The following ERC1 variants were observed in gnomAD, a reference collection of about 807,000 sequenced individuals.
The protein encoded by ERC1 is ELKS/RAB6-interacting/CAST family member 1, also known as RAB6 interacting protein 2.
A neutral mutation model predicts 132.0 loss-of-function variants in ERC1; 56 were observed. That is an observed-to-expected ratio of 0.42 (90% CI 0.34 to 0.53). The LOEUF (loss-of-function observed/expected upper bound fraction) is 0.53. Ranked by LOEUF, ERC1 falls within the 20% of genes least tolerant of loss-of-function variation. ERC1 has a pLI of 0.03. For missense variants in ERC1, 1,202 were observed against 1,349.9 expected, an observed-to-expected ratio of 0.89 and a Z score of 1.72; for synonymous variants, 478 against 476.1, an observed-to-expected ratio of 1.00 and a Z score of -0.05.
chr12:1,311,429 A>G (rs2081295503), intron 15 of ERC1, among the ~76,000 whole-genome samples: 1 of 142,818 alleles, frequency 7.0e-6, no homozygotes, highest in African/African-American at 2.6e-5. Context: ...TGATTAGTAA[A>G]AAGGATTTTA....
chr12:1,041,205 C>G lies in ERC1; in HGVS notation c.669+12633C>G, dbSNP rs533362961. Among the ~76,000 whole-genome samples, 10 of 133,330 alleles carry G rather than the reference C, an allele frequency of 7.5e-5. No homozygotes were observed. In the East Asian group the frequency reaches 2.9e-3, roughly 39 times the overall value. 87.5% of individuals were successfully genotyped at this position (133,330 alleles called of 152,430 possible). On this transcript the variant is annotated intron_variant, in intron 2 of 18. Transcript: ENST00000360905. The stretch of plus-strand genomic sequence containing the variant: ...ATGAAAAACAGTTTTGCAAGTCTCT[C>G]TTTCTTTTTTTTTTTTTTTGAGACA...
chr12:1,370,993 G>A (rs145871774), intron 15 of ERC1, among the ~76,000 whole-genome samples: 1,754 of 152,278 alleles, frequency 0.012, 35 homozygotes, highest in African/African-American at 0.038. Context: ...GATTACAGGC[G>A]CGAGCCACCA....
intron 16 of ERC1, chr12:1,381,372 G>C (rs2088639415): frequency 6.6e-6 from 1 of 150,384 alleles, no homozygotes; most frequent in South Asian, 2.1e-4. Flanking sequence ...TTTTAATAAA[G>C]ACAGAGACTC....
chr12:1,216,078 T>C (rs1044112711), intron 12 of ERC1, among the ~76,000 whole-genome samples: 1 of 152,168 alleles, frequency 6.6e-6, no homozygotes, highest in African/African-American at 2.4e-5. Context: ...TTTTCAGATT[T>C]ACAAGTTACC....
chr12:1,087,861 G>A (rs868562106), intron 3 of ERC1, among the ~76,000 whole-genome samples: 5 of 6,508 alleles, frequency 7.7e-4, no homozygotes, highest in African/African-American at 1.5e-3. Context: ...TATTGTTGTT[G>A]TTGAAAGTGC....
At chr12:1,374,975 C>G (rs2087715424) in intron 16 of ERC1, among the ~76,000 whole-genome samples, 1 of 152,112 alleles carries the variant, frequency 6.6e-6, no homozygotes, top group African/African-American at 2.4e-5. Context: ...TTAATTGTCA[C>G]ACCATATATT....
chr12:1,222,476 A>G (rs1002729037), intron 12 of ERC1, among the ~76,000 whole-genome samples: 10 of 152,174 alleles, frequency 6.6e-5, no homozygotes, highest in Non-Finnish European at 1.0e-4. Flanking sequence ...TGTCCCCCCA[A>G]AGTGCTGGGA....
intron 7 of ERC1, among the ~76,000 whole-genome samples, chr12:1,134,164 C>T (rs1949031544): frequency 6.6e-6 from 1 of 152,034 alleles, no homozygotes; most frequent in African/African-American, 2.4e-5. Flanking sequence ...ACCAAAATTG[C>T]ATTTATTCTA....
chr12:1,479,343 C>T (rs2094040202), intron 18 of ERC1, among the ~76,000 whole-genome samples: 1 of 152,090 alleles, frequency 6.6e-6, no homozygotes, highest in African/African-American at 2.4e-5. Context: ...TGGCTTGCAT[C>T]GACTGTATAG....
intron 1 of ERC1, 200 bp downstream of exon 1, chr12:991,522 G>C (rs1476011612): frequency 2.6e-5 from 4 of 152,274 alleles, no homozygotes; most frequent in Admixed American, 2.6e-4. Context: ...CTCCTCGGCA[G>C]CCCGGGGGGT....
At chr12:1,233,470 C>CAAAAAAAAAAAAAAAAAA (rs60542316) in intron 12 of ERC1, among the ~76,000 whole-genome samples, 2 of 71,502 alleles carry the variant, frequency 2.8e-5, no homozygotes, top group African/African-American at 1.0e-4. Context: ...GACCCTGTCT[C>CAAAAAAAAAAAAAAAAAA]AAAAAAAAAA....
In ERC1 at chr12:1,200,715, C is replaced by A. The variant is rs370585110; in HGVS notation, c.2351+10663C>A. Reference sequence around the variant, plus strand: ...CTGGGACTACAGGCGCCCGCCACCACAGCCGGCTAGTTTTTTGTATTTTTA... The same window carrying A: ...CTGGGACTACAGGCGCCCGCCACCAAAGCCGGCTAGTTTTTTGTATTTTTA... On this transcript the variant is annotated intron_variant, in intron 12 of 18. Coordinates refer to ENST00000360905, the MANE Select transcript of ERC1 (RefSeq NM_178040.4). 3.3e-5 allele frequency among the ~76,000 whole-genome samples: 5 copies of A among 152,248 alleles called. No homozygotes were observed. In the South Asian group the frequency reaches 8.3e-4, roughly 25 times the overall value.
intron 13 of ERC1, among the ~76,000 whole-genome samples, chr12:1,252,655 G>T (rs978282319): frequency 5.9e-5 from 9 of 152,186 alleles, no homozygotes; most frequent in African/African-American, 2.2e-4. Flanking sequence ...TTATAACAGA[G>T]CACCACTCTT....
intron 14 of ERC1, among the ~76,000 whole-genome samples, chr12:1,266,229 T>C (rs1305266301): frequency 2.6e-5 from 4 of 152,132 alleles, no homozygotes; most frequent in Admixed American, 1.3e-4. Flanking sequence ...ACTGCCTATC[T>C]GAAGCTGTTG....
chr12:1,145,058 C>T (rs1245091966), intron 8 of ERC1, among the ~76,000 whole-genome samples: 1 of 151,854 alleles, frequency 6.6e-6, no homozygotes. Flanking sequence ...GTTCTGCCGC[C>T]CAGGCTGGAG....
At chr12:1,380,417 T>G (rs2088507798) in intron 16 of ERC1, 1 of 152,248 alleles carries the variant, frequency 6.6e-6, no homozygotes, top group Non-Finnish European at 1.5e-5. Flanking sequence ...GCCATCTGTC[T>G]CCTTCTCAGA....
At chr12:1,405,472 A>G (rs1215817358) in intron 16 of ERC1, among the ~76,000 whole-genome samples, 3 of 150,844 alleles carry the variant, frequency 2.0e-5, no homozygotes, top group Admixed American at 2.0e-4. Flanking sequence ...GGGAGGCCAA[A>G]GCAGGCGGAT....
chr12:1,053,795 TATA>T (rs1037586972), intron 2 of ERC1, among the ~76,000 whole-genome samples: 72 of 152,344 alleles, frequency 4.7e-4, no homozygotes, highest in African/African-American at 1.4e-3. Flanking sequence ...TTACAGCTCA[TATA>T]ATATATGCAG....
chr12:1,223,309 A>C lies in ERC1; in HGVS notation c.2352-13460A>C, dbSNP rs190224021. Among the ~76,000 whole-genome samples the C allele has an allele frequency of 1.7e-3, 259 of 152,344 alleles. 1 individual carries two copies. The highest frequency in any genetic ancestry group is 4.6e-3 in the Admixed American group (70 of 15,300). On this transcript the variant is annotated intron_variant, in intron 12 of 18. Transcript: ENST00000360905. ...TTACCTAAATTTGAGTTTGGATTTT[A>C]AGAGACAGAGGCTTAGAGCAGCAAT...
Sources: gnomAD v4.1 joint callset for allele counts (sites outside exome capture counted in the v4.1 genomes callset) on GRCh38, gnomAD v4.1.1 for gene constraint, MANE v1.5 for transcripts, NCBI Gene and HGNC (gene_info 2026-07-23, HGNC 2026-07-21) for gene names.